The following ABCA9 variants were observed in gnomAD, a reference collection of about 807,000 sequenced individuals.
The protein encoded by ABCA9 is ATP binding cassette subfamily A member 9.
A neutral mutation model predicts 205.3 loss-of-function variants in ABCA9; 183 were observed. The observed-to-expected ratio is 0.89, with a 90% CI of 0.79 to 1.01. ABCA9 has a LOEUF of 1.01. Ranked by LOEUF, ABCA9 falls within the 50% of genes least tolerant of loss-of-function variation. ABCA9 has a pLI of 0.00. For missense variants in ABCA9, 1,805 were observed against 1,912.4 expected, an observed-to-expected ratio of 0.94 and a Z score of 1.05; for synonymous variants, 651 against 683.3, an observed-to-expected ratio of 0.95 and a Z score of 0.74.
intron 5 of ABCA9, 119 bp from the exon 6 acceptor site, chr17:69,043,834 C>G: frequency 1.1e-6 from 1 of 884,500 alleles, no homozygotes; most frequent in East Asian, 2.7e-5. Flanking sequence ...TGTTTATATG[C>G]CCTTCATGAT....
Position 69,020,499 on chromosome 17 carries a change from TGGAA to T in ABCA9, c.2485_2488del (p.Phe829ThrfsTer20). 1 of 1,614,138 alleles carries T rather than the reference TGGAA, an allele frequency of 6.2e-7. No homozygotes were observed. Among genetic ancestry groups the T allele is most frequent in the Non-Finnish European group, 8.5e-7 (1 of 1,179,990 alleles). On this transcript the variant is annotated frameshift_variant, in exon 19 of 39. Transcript: ENST00000340001. LOFTEE classifies it high-confidence loss of function. ...GCCACTGATTGTTTTCCTTGTTTCGTGGAAGGAAGACAAAACTTGTTCCAGCTCA... is the reference window on the plus strand; with the variant it reads ...GCCACTGATTGTTTTCCTTGTTTCGTGGAAGACAAAACTTGTTCCAGCTCA...
At chr17:69,000,095 T>C (rs2069793652) in intron 25 of ABCA9, among the ~76,000 whole-genome samples, 1 of 151,246 alleles carries the variant, frequency 6.6e-6, no homozygotes, top group Non-Finnish European at 1.5e-5. Context: ...ACTCTGATGG[T>C]AGTTTCTTTT....
In ABCA9 at chr17:69,021,749, A is replaced by G; in HGVS notation, c.2394T>C (p.Asp798=). 1 of 1,567,716 alleles carries G rather than the reference A, an allele frequency of 6.4e-7. No homozygotes were observed. Among genetic ancestry groups the G allele is most frequent in the Admixed American group, 1.8e-5 (1 of 55,994 alleles). Residue 798 remains aspartate (D), a synonymous_variant, in exon 18 of 39, where the codon GAT becomes GAC. Coordinates refer to ENST00000340001, the MANE Select transcript of ABCA9 (RefSeq NM_080283.4). ...FLKLEGKSTI[D]ESDIGIWGQL... ...TTTCTTATTTTTTCTTACCTGATTC[A>G]TCAATAGTTGATTTTCCTTCTAATT...
At chr17:68,982,673 A>C in intron 36 of ABCA9, 32 bp from the exon 37 acceptor site, 1 of 1,573,432 alleles carries the variant, frequency 6.4e-7, no homozygotes, top group Non-Finnish European at 8.7e-7. Context: ...GCTGAACTCC[A>C]GGTGTCAAGG....
In ABCA9 at chr17:69,043,824, T is replaced by G. The variant is rs1172231089; in HGVS notation, c.574-109A>C. 21 of 955,992 alleles carry G rather than the reference T, an allele frequency of 2.2e-5. No homozygotes were observed. The Admixed American group carries it at 4.3e-4, about 20-fold the overall frequency. 59.2% of individuals were successfully genotyped at this position (955,992 alleles called of 1,614,324 possible). A position where few individuals can be genotyped will look rare whatever the true frequency, so the allele number is the denominator to read the frequency against. On this transcript the variant is annotated intron_variant, in intron 5 of 38. Coordinates refer to ENST00000340001, the MANE Select transcript of ABCA9 (RefSeq NM_080283.4). ...GTACATTCTACATTTATGTATTTTA[T>G]GTTTATATGCCCTTCATGATCTGGC...
At chr17:69,078,754 G>A in the ABCA9 span, 1 of 363,838 alleles carries the variant, frequency 2.7e-6, no homozygotes, top group African/African-American at 2.1e-5. Flanking sequence ...GACTCTTTGG[G>A]TGACTTTACT....
chr17:69,053,432 C>A (rs181446515), intron 1 of ABCA9, among the ~76,000 whole-genome samples: 21 of 152,192 alleles, frequency 1.4e-4, no homozygotes, highest in Admixed American at 2.0e-4. Flanking sequence ...AACTAGGGGG[C>A]AGAGACAAAA....
At chr17:68,985,265 G>A in intron 32 of ABCA9, 137 bp from the exon 33 acceptor site, 1 of 1,025,106 alleles carries the variant, frequency 9.8e-7, no homozygotes, top group Non-Finnish European at 1.5e-6. Flanking sequence ...AAACCACCTA[G>A]GTACTTTATG....
chr17:69,012,401 T>C (rs2070413654), intron 22 of ABCA9: 1 of 218,236 alleles, frequency 4.6e-6, no homozygotes, highest in Non-Finnish European at 9.0e-6. Context: ...CAATCTTACA[T>C]GCATTGCTTA....
At position 69,016,569 on chromosome 17, in the gene ABCA9, C is replaced by T. The variant is rs148322913; in HGVS notation, c.2902-179G>A. Among the ~76,000 whole-genome samples, 6 of 151,754 alleles carry T rather than the reference C, an allele frequency of 4.0e-5. No homozygotes were observed. The East Asian group carries it at 7.7e-4, about 20-fold the overall frequency. Reference sequence around the variant, plus strand: ...AATTCTTAAGTATACTTAAAGAATCCGGTATTTTGGTTTCTACCCACCATA... The same window carrying T: ...AATTCTTAAGTATACTTAAAGAATCTGGTATTTTGGTTTCTACCCACCATA... On this transcript the variant is annotated intron_variant, in intron 21 of 38. Coordinates refer to ENST00000340001, the MANE Select transcript of ABCA9 (RefSeq NM_080283.4).
chr17:68,998,625 AAT>A (rs1233003331), intron 25 of ABCA9, among the ~76,000 whole-genome samples: 1 of 152,054 alleles, frequency 6.6e-6, no homozygotes, highest in Non-Finnish European at 1.5e-5. Flanking sequence ...TATGTGTAAC[AAT>A]GGATTTGCTA....
intron 30 of ABCA9, among the ~76,000 whole-genome samples, chr17:68,989,438 A>G (rs2069372655): frequency 6.6e-6 from 1 of 152,290 alleles, no homozygotes; most frequent in East Asian, 1.9e-4. Flanking sequence ...CTGTTGTACG[A>G]ACCCCCCACT....
intron 25 of ABCA9, among the ~76,000 whole-genome samples, chr17:69,004,257 T>G (rs2070018242): frequency 6.6e-6 from 1 of 152,212 alleles, no homozygotes; most frequent in African/African-American, 2.4e-5. Flanking sequence ...TTTTATCTAC[T>G]TTTGGTCTTT....
Position 68,995,922 on chromosome 17 carries a change from C to G in ABCA9, c.3528G>C (p.Leu1176Phe), listed in dbSNP as rs374588827. Residue 1176 changes from leucine (L) to phenylalanine (F), a missense_variant, in exon 26 of 39, where the codon TTG becomes TTC. Coordinates refer to ENST00000340001, the MANE Select transcript of ABCA9 (RefSeq NM_080283.4). Reference protein sequence around the residue: ...FGTMLIPPFTLIGSLFIFSEI... With the variant: ...FGTMLIPPFTFIGSLFIFSEI... ...CAGAAAAAATGAATAGAGAGCCAAT[C>G]AATGTGAAGGGAGGTATTAACATGG... The G allele has an allele frequency of 1.2e-6, 2 of 1,613,630 alleles. No homozygotes were observed. The highest frequency in any genetic ancestry group is 2.7e-5 in the African/African-American group (2 of 74,890).
At position 69,051,013 on chromosome 17, in the gene ABCA9, A is replaced by G. The variant is rs775524638; in HGVS notation, c.96+18T>C. ...TTTCATCCTCTAAATATGAGAACAC[A>G]TAGACTCTGAAGCATACCAACAAGG... On this transcript the variant is annotated intron_variant, in intron 2 of 38. Coordinates refer to ENST00000340001, the MANE Select transcript of ABCA9 (RefSeq NM_080283.4). 8.7e-6 allele frequency: 14 copies of G among 1,609,508 alleles called. No homozygotes were observed. The highest frequency in any genetic ancestry group is 3.4e-5 in the Admixed American group (2 of 59,692).
intron 12 of ABCA9, 151 bp downstream of exon 12, chr17:69,028,384 C>T (rs563390321): frequency 1.1e-4 from 44 of 396,482 alleles, no homozygotes; most frequent in African/African-American, 8.7e-4. Context: ...CCAGGATGGT[C>T]TCCATCTCTT....
intron 6 of ABCA9, 119 bp from the exon 7 acceptor site, chr17:69,035,920 G>T: frequency 8.1e-7 from 1 of 1,239,788 alleles, no homozygotes; most frequent in Non-Finnish European, 1.1e-6. Flanking sequence ...AAAAGAAAAT[G>T]CAATAGCTAA....
In ABCA9 at chr17:69,007,333, G is replaced by A. The variant is rs112773578; in HGVS notation, c.3435+426C>T. Among the ~76,000 whole-genome samples the A allele has an allele frequency of 8.3e-3, 1,264 of 152,202 alleles. 7 individuals are homozygous for A. Among genetic ancestry groups the A allele is most frequent in the Non-Finnish European group, 0.012 (833 of 68,006 alleles). Reference sequence around the variant, plus strand: ...GGAGAATTGCTTGAACATGGGAGGCGGAGGTTGCAGTGAGCTGAGATCATT... The same window carrying A: ...GGAGAATTGCTTGAACATGGGAGGCAGAGGTTGCAGTGAGCTGAGATCATT... On this transcript the variant is annotated intron_variant, in intron 25 of 38. Transcript: ENST00000340001.
Position 69,043,548 on chromosome 17 carries a change from T to G in ABCA9, c.741A>C (p.Gln247His). 1 of 1,610,998 alleles carries G rather than the reference T, an allele frequency of 6.2e-7. No homozygotes were observed. The highest frequency in any genetic ancestry group is 8.5e-7 in the Non-Finnish European group (1 of 1,178,788). Residue 247 changes from glutamine to histidine, a missense_variant, in exon 6 of 39, where the codon CAA becomes CAC. Gln to His is a conservative substitution (Grantham distance 24, BLOSUM62 0). Transcript: ENST00000340001. ...TCAATGACGTAATGTATTGTCTTTCTTGTGTAACATTGACTGATACATAGT... is the reference window on the plus strand; with the variant it reads ...TCAATGACGTAATGTATTGTCTTTCGTGTGTAACATTGACTGATACATAGT... ...FIYYVSVNVT[Q>H]ERQYITSLMT...
Sources: gnomAD v4.1 joint callset for allele counts (sites outside exome capture counted in the v4.1 genomes callset) on GRCh38, gnomAD v4.1.1 for gene constraint, MANE v1.5 for transcripts, NCBI Gene and HGNC (gene_info 2026-07-23, HGNC 2026-07-21) for gene names.